Variants in FBXW12 observed in about 807,000 individuals in gnomAD.
FBXW12 encodes the protein F-box and WD repeat domain containing 12.
Under a neutral mutation model 55.3 loss-of-function variants are expected in FBXW12, and 43 were observed. The ratio of observed to expected loss-of-function variants is 0.78; its 90% CI spans 0.61 to 1.00. The LOEUF is 1.00. Ranked by LOEUF, FBXW12 falls within the 50% of genes least tolerant of loss-of-function variation. The probability of loss-of-function intolerance (pLI) is 0.00; values close to 1 mark genes in which losing one functional copy is unlikely to be tolerated. For synonymous variants in FBXW12, 184 were observed against 203.8 expected (o/e 0.90, Z 0.83); for missense variants, 524 against 560.5 (o/e 0.93, Z 0.66).
chr3:48,375,739 A>C (rs1575358357), intron 5 of FBXW12, among the ~76,000 whole-genome samples: 2 of 152,050 alleles, frequency 1.3e-5, no homozygotes, highest in Non-Finnish European at 2.9e-5. Context: ...CAGTGGCAGG[A>C]TCTCGGCTCA....
Position 48,372,765 on chromosome 3 carries a change from G to C in FBXW12, c.-3G>C, listed in dbSNP as rs369563801. 32 of 1,614,110 alleles carry C rather than the reference G, an allele frequency of 2.0e-5. No homozygotes were observed. The highest frequency in any genetic ancestry group is 2.5e-5 in the Non-Finnish European group (30 of 1,180,044). ...AAGTGGATGTGGGTTCAGGCCGCATGAAATGGAGATCCGATTGCCTGACTT... is the reference window on the plus strand; with the variant it reads ...AAGTGGATGTGGGTTCAGGCCGCATCAAATGGAGATCCGATTGCCTGACTT... On this transcript the variant is annotated 5_prime_UTR_variant, in exon 2 of 11. The change abolishes an upstream ATG in the 5' untranslated region. Transcript: ENST00000296438.
intron 5 of FBXW12, among the ~76,000 whole-genome samples, chr3:48,376,289 T>A (rs1356681230): frequency 5.3e-5 from 8 of 152,298 alleles, no homozygotes; most frequent in Non-Finnish European, 1.0e-4. Context: ...GCTGAGAATT[T>A]ACTTTTTAAT....
intron 10 of FBXW12, among the ~76,000 whole-genome samples, chr3:48,384,653 C>T (rs144547905): frequency 6.6e-6 from 1 of 152,120 alleles, no homozygotes; most frequent in African/African-American, 2.4e-5. Context: ...TTGTAGATGC[C>T]CCTTACTGGG....
chr3:48,373,692 A>G lies in FBXW12; in HGVS notation c.273A>G (p.Val91=). 3 of 1,613,966 alleles carry G rather than the reference A, an allele frequency of 1.9e-6. No homozygotes were observed. Among genetic ancestry groups the G allele is most frequent in the Non-Finnish European group, 2.5e-6 (3 of 1,179,828 alleles). The part of the protein sequence containing the change: ...LAQPHNFIYK[V]TKNIAFETEL... ...AGCCGCATAACTTTATCTACAAAGT[A>G]ACTAAGAACATCGGTATGGGTATAG... Residue 91 remains valine (V), a synonymous_variant, in exon 4 of 11, where the codon GTA becomes GTG. Coordinates refer to ENST00000296438, the MANE Select transcript of FBXW12 (RefSeq NM_207102.2).
At chr3:48,378,285 T>C (rs1242570670) in intron 5 of FBXW12, 32 bp from the exon 6 acceptor site, 2 of 1,554,096 alleles carry the variant, frequency 1.3e-6, no homozygotes, top group Non-Finnish European at 1.8e-6. Context: ...AAGGGTTCCT[T>C]GAACACAGGT....
chr3:48,389,744 C>T (rs1277747799), intron 10 of FBXW12, among the ~76,000 whole-genome samples: 1 of 152,170 alleles, frequency 6.6e-6, no homozygotes, highest in African/African-American at 2.4e-5. Flanking sequence ...CTTTTGAGGA[C>T]TGAGTCATAA....
rs370807106 is a variant in FBXW12, at chr3:48,379,575, G to A, written c.774+17G>A. The A allele has an allele frequency of 6.2e-7, 1 of 1,611,030 alleles. No homozygotes were observed. Among genetic ancestry groups the A allele is most frequent in the Non-Finnish European group, 8.5e-7 (1 of 1,177,576 alleles). On this transcript the variant is annotated intron_variant, in intron 7 of 10. Transcript: ENST00000296438. ...TTGCCACAGGTAGGTGCTGTTCTGT[G>A]TATTTCAATTTCAGGATAGGAATGT... is the stretch of plus-strand genomic sequence containing the variant.
chr3:48,385,731 T>C (rs912099611), intron 10 of FBXW12, among the ~76,000 whole-genome samples: 1 of 152,204 alleles, frequency 6.6e-6, no homozygotes, highest in African/African-American at 2.4e-5. Flanking sequence ...ACACCTCTAA[T>C]GAGGTGGTAT....
chr3:48,378,592 T>G, intron 6 of FBXW12, 66 bp downstream of exon 6: 5 of 1,224,684 alleles, frequency 4.1e-6, no homozygotes, highest in Non-Finnish European at 5.9e-6. Flanking sequence ...CAGGCATCCG[T>G]GTCACATTAC....
At chr3:48,385,349 T>C (rs1051771278) in intron 10 of FBXW12, among the ~76,000 whole-genome samples, 12 of 151,638 alleles carry the variant, frequency 7.9e-5, no homozygotes, top group African/African-American at 2.7e-4. Context: ...TGTGTGTGTG[T>C]GTGTGTGTGT....
chr3:48,382,774 G>A (rs892932147), intron 10 of FBXW12, among the ~76,000 whole-genome samples: 3 of 152,128 alleles, frequency 2.0e-5, no homozygotes, highest in Admixed American at 1.3e-4. Context: ...CGTAGTACAC[G>A]TAGAAGTCTT....
intron 10 of FBXW12, among the ~76,000 whole-genome samples, chr3:48,388,524 C>T (rs577530587): frequency 8.0e-4 from 122 of 152,272 alleles, no homozygotes; most frequent in African/African-American, 2.7e-3. Flanking sequence ...CCCTGGTAAT[C>T]TTCTTTGCCC....
Position 48,380,687 on chromosome 3 carries a change from C to T in FBXW12, c.775-15C>T, listed in dbSNP as rs535345603. 11 of 1,596,832 alleles carry T rather than the reference C, an allele frequency of 6.9e-6. No homozygotes were observed. Among genetic ancestry groups the T allele is most frequent in the South Asian group, 3.3e-5 (3 of 90,754 alleles). On this transcript the variant is annotated splice_polypyrimidine_tract_variant and intron_variant, in intron 7 of 10. Coordinates refer to ENST00000296438, the MANE Select transcript of FBXW12 (RefSeq NM_207102.2). ...AGTTCCCTGCCCCTGACCATGCATG[C>T]GATGCTCTCTTTAGGTATTCCTCAC...
At chr3:48,372,988 C>T (rs959669259) in intron 2 of FBXW12, 131 bp downstream of exon 2, 4 of 900,860 alleles carry the variant, frequency 4.4e-6, no homozygotes, top group Non-Finnish European at 5.4e-6. Flanking sequence ...CTGAGGGCCT[C>T]ATATTCTGTT....
At chr3:48,375,508 A>T in intron 5 of FBXW12, 36 bp downstream of exon 5, 1 of 1,210,526 alleles carries the variant, frequency 8.3e-7, no homozygotes, top group African/African-American at 1.5e-5. Context: ...AGTACTGCAT[A>T]TTTGCATCCA....
At chr3:48,379,895 A>C in intron 7 of FBXW12, 1 of 260,554 alleles carries the variant, frequency 3.8e-6, no homozygotes, top group Non-Finnish European at 7.4e-6. Context: ...CGGGAGGATC[A>C]CGTGAGCCCA....
chr3:48,394,141 G>A (rs2036972088), intron 10 of FBXW12, among the ~76,000 whole-genome samples: 1 of 151,966 alleles, frequency 6.6e-6, no homozygotes, highest in African/African-American at 2.4e-5. Context: ...CCAACTACTT[G>A]GGAGGCTAAG....
At chr3:48,377,834 A>AT (rs1040496792) in intron 5 of FBXW12, among the ~76,000 whole-genome samples, 1 of 152,148 alleles carries the variant, frequency 6.6e-6, no homozygotes, top group Non-Finnish European at 1.5e-5. Context: ...ATACTTTACA[A>AT]TTTTTTTAAA....
chr3:48,394,109 G>A (rs560281310), intron 10 of FBXW12, among the ~76,000 whole-genome samples: 12 of 152,078 alleles, frequency 7.9e-5, no homozygotes, highest in South Asian at 2.1e-4. Context: ...TTAGCTGGGC[G>A]TGGTGGTGCG....
Sources: allele counts gnomAD v4.1 joint callset (sites outside exome capture counted in the v4.1 genomes callset), GRCh38; gene constraint gnomAD v4.1.1; transcripts MANE v1.5; gene names NCBI Gene and HGNC (gene_info 2026-07-23, HGNC 2026-07-21).